The following ARHGEF10L variants were observed in gnomAD, a reference collection of about 807,000 sequenced individuals.
ARHGEF10L encodes rho guanine nucleotide exchange factor 10-like protein.
In ARHGEF10L, 69 loss-of-function variants were observed where a neutral mutation model predicts 141.2. The observed-to-expected ratio is 0.49, with a 90% CI of 0.40 to 0.60. The LOEUF (loss-of-function observed/expected upper bound fraction) is 0.60, where lower values mean the gene tolerates loss of function less well. ARHGEF10L is among the 20% of genes least tolerant of loss of function. The pLI is 0.00. For synonymous variants in ARHGEF10L, 711 were observed against 718.5 expected (o/e 0.99, Z 0.17); for missense variants, 1,482 against 1,734.3 (o/e 0.85, Z 2.58).
Position 17,588,444 on chromosome 1 carries a change from A to C in ARHGEF10L, c.224-2A>C. ...GGCTCTCTGTCTGCTCTTCTTTTGCAGACCCAGACCCAGCAGCTGCTCCAC... is the reference window on the plus strand; with the variant it reads ...GGCTCTCTGTCTGCTCTTCTTTTGCCGACCCAGACCCAGCAGCTGCTCCAC... On this transcript the variant is annotated splice_acceptor_variant, in intron 3 of 28. Transcript: ENST00000361221. LOFTEE classifies it high-confidence loss of function. 1.2e-6 allele frequency: 2 copies of C among 1,613,916 alleles called. No homozygotes were observed. The highest frequency in any genetic ancestry group is 2.2e-5 in the South Asian group (2 of 91,068).
chr1:17,560,550 C>A (rs1230110025), intron 1 of ARHGEF10L, among the ~76,000 whole-genome samples: 1 of 152,200 alleles, frequency 6.6e-6, no homozygotes. Context: ...TTGGGAGTAA[C>A]CACCTGGCCA....
rs999600832 is a variant in ARHGEF10L, at chr1:17,623,918, G to T, written c.1201-469G>T. Reference sequence around the variant, plus strand: ...AGGGGCTCTGGAGAGAGAGTTGATTGACTCCAGGCCGACCATCCCTCCCTT... The same window carrying T: ...AGGGGCTCTGGAGAGAGAGTTGATTTACTCCAGGCCGACCATCCCTCCCTT... On this transcript the variant is annotated intron_variant, in intron 12 of 28. Coordinates refer to ENST00000361221, the MANE Select transcript of ARHGEF10L (RefSeq NM_018125.4). This position sits in a 1 kb window ranked among gnomAD's most constrained non-coding sequence, Gnocchi z 4.7. Among the ~76,000 whole-genome samples, 29 of 152,322 alleles carry T rather than the reference G, an allele frequency of 1.9e-4. No individual in the cohort carries two copies. The highest frequency in any genetic ancestry group is 6.3e-4 in the African/African-American group (26 of 41,572).
intron 1 of ARHGEF10L, among the ~76,000 whole-genome samples, chr1:17,567,857 C>G (rs2077827003): frequency 6.6e-6 from 1 of 152,216 alleles, no homozygotes; most frequent in African/African-American, 2.4e-5. Flanking sequence ...GTCATTGCTG[C>G]ATTTCGCACC....
intron 25 of ARHGEF10L, among the ~76,000 whole-genome samples, chr1:17,658,236 C>G (rs1034432713): frequency 6.6e-6 from 1 of 152,224 alleles, no homozygotes; most frequent in Non-Finnish European, 1.5e-5. Flanking sequence ...CTAATTACAT[C>G]TGCAATGACC....
At chr1:17,519,483 A>G in the ARHGEF10L span, among the ~76,000 whole-genome samples, 1 of 151,444 alleles carries the variant, frequency 6.6e-6, no homozygotes, top group African/African-American at 2.4e-5. Flanking sequence ...GGTGGCATGC[A>G]CCTGTGGTCC....
chr1:17,553,903 C>T (rs2100748112), intron 1 of ARHGEF10L, among the ~76,000 whole-genome samples: 1 of 152,326 alleles, frequency 6.6e-6, no homozygotes, highest in Admixed American at 6.5e-5. Flanking sequence ...TTTGCCTACT[C>T]AACAGGGAGG....
intron 1 of ARHGEF10L, among the ~76,000 whole-genome samples, chr1:17,561,482 T>C (rs188166104): frequency 7.6e-4 from 115 of 152,296 alleles, no homozygotes; most frequent in African/African-American, 2.5e-3. Context: ...CCCTCTGCAG[T>C]TCTGAGTGCC....
At chr1:17,563,037 G>T (rs1271353761) in intron 1 of ARHGEF10L, among the ~76,000 whole-genome samples, 1 of 152,156 alleles carries the variant, frequency 6.6e-6, no homozygotes, top group Non-Finnish European at 1.5e-5. Flanking sequence ...TCGAGGATGA[G>T]GGGAGGGCTG....
intron 26 of ARHGEF10L, among the ~76,000 whole-genome samples, chr1:17,682,046 C>G (rs912446564): frequency 4.6e-5 from 7 of 151,868 alleles, no homozygotes; most frequent in Non-Finnish European, 1.0e-4. Context: ...TTTTGATGTT[C>G]ACATTGTCTT....
intron 1 of ARHGEF10L, among the ~76,000 whole-genome samples, chr1:17,565,617 C>A (rs2077720678): frequency 6.6e-6 from 1 of 152,194 alleles, no homozygotes; most frequent in African/African-American, 2.4e-5. Flanking sequence ...TCTGGACCGC[C>A]AGTGGCTGTG....
intron 21 of ARHGEF10L, among the ~76,000 whole-genome samples, chr1:17,647,356 A>G (rs2061664846): frequency 6.6e-6 from 1 of 152,208 alleles, no homozygotes; most frequent in African/African-American, 2.4e-5. Context: ...AAGCCAGGGC[A>G]TAGACGGCGG....
intron 26 of ARHGEF10L, among the ~76,000 whole-genome samples, chr1:17,680,291 G>A (rs2064019090): frequency 6.6e-6 from 1 of 152,238 alleles, no homozygotes; most frequent in Non-Finnish European, 1.5e-5. Flanking sequence ...GAGAGCCCCT[G>A]TGCCCAGCGA....
intron 22 of ARHGEF10L, 47 bp downstream of exon 22, chr1:17,648,722 C>T: frequency 1.9e-6 from 3 of 1,596,118 alleles, no homozygotes; most frequent in Non-Finnish European, 2.6e-6. Flanking sequence ...GTGGCTGCGG[C>T]TCCCCCTCGC....
intron 4 of ARHGEF10L, among the ~76,000 whole-genome samples, chr1:17,599,007 A>G (rs2080377595): frequency 6.6e-6 from 1 of 152,110 alleles, no homozygotes; most frequent in Non-Finnish European, 1.5e-5. Context: ...CCCCACCTGT[A>G]GAATAGGGGT....
the ARHGEF10L span, among the ~76,000 whole-genome samples, chr1:17,513,843 T>C: frequency 6.6e-6 from 1 of 152,134 alleles, no homozygotes; most frequent in South Asian, 2.1e-4. Flanking sequence ...TTTCGCTCTT[T>C]TGTTGTCCAG....
At chr1:17,601,858 C>T (rs936009737) in intron 4 of ARHGEF10L, among the ~76,000 whole-genome samples, 1 of 152,204 alleles carries the variant, frequency 6.6e-6, no homozygotes, top group Non-Finnish European at 1.5e-5. Context: ...AGAGACGAGA[C>T]AGCCCCCTTG....
chr1:17,628,584 G>C (rs1199679066), intron 15 of ARHGEF10L, among the ~76,000 whole-genome samples: 1 of 152,056 alleles, frequency 6.6e-6, no homozygotes, highest in Non-Finnish European at 1.5e-5. Context: ...CCAGGCCCTG[G>C]GCACATTGCA....
intron 26 of ARHGEF10L, among the ~76,000 whole-genome samples, chr1:17,682,579 C>T (rs1039162070): frequency 6.6e-6 from 1 of 152,210 alleles, no homozygotes; most frequent in Non-Finnish European, 1.5e-5. Context: ...AAAACTGGTG[C>T]AGGCTGGTTG....
the ARHGEF10L span, among the ~76,000 whole-genome samples, chr1:17,521,442 C>T: frequency 1.1e-4 from 16 of 152,314 alleles, no homozygotes; most frequent in East Asian, 2.9e-3. Context: ...TTGATCTGCC[C>T]GCCTCGGCCT....
Sources: gnomAD v4.1 joint callset for allele counts (sites outside exome capture counted in the v4.1 genomes callset) on GRCh38, gnomAD v4.1.1 for gene constraint, Gnocchi (gnomAD v3.1) non-coding constraint, MANE v1.5 for transcripts, NCBI Gene and HGNC (gene_info 2026-07-23, HGNC 2026-07-21) for gene names.